Variants in TMEM117 observed in about 807,000 individuals in gnomAD.
TMEM117 encodes transmembrane protein 117.
TMEM117 carries 27 observed loss-of-function variants against 52.4 expected under a neutral mutation model. The ratio of observed to expected loss-of-function variants is 0.51; its 90% CI spans 0.38 to 0.71. The LOEUF is 0.71. TMEM117 is among the 30% of genes least tolerant of loss of function. TMEM117 has a pLI of 0.00. For missense variants in TMEM117, 556 were observed against 630.5 expected (o/e 0.88, Z 1.26); for synonymous variants, 215 against 206.3 (o/e 1.04, Z -0.36).
the TMEM117 span, among the ~76,000 whole-genome samples, chr12:44,396,848 CAAAAAAA>C: frequency 3.0e-5 from 2 of 66,428 alleles, no homozygotes; most frequent in Non-Finnish European, 6.8e-5. Context: ...AGTGAGACTC[CAAAAAAA>C]AAAAAAAAAG....
intron 2 of TMEM117, among the ~76,000 whole-genome samples, chr12:43,896,114 TCAATC>T (rs978912531): frequency 6.6e-6 from 1 of 152,176 alleles, no homozygotes; most frequent in African/African-American, 2.4e-5. Flanking sequence ...TTTGCATCCT[TCAATC>T]CAACCAAGTT....
chr12:44,282,903 G>T (rs780938996), intron 5 of TMEM117, among the ~76,000 whole-genome samples: 1 of 152,176 alleles, frequency 6.6e-6, no homozygotes, highest in African/African-American at 2.4e-5. Flanking sequence ...CAGGGTCCTC[G>T]TGCTGTGTGC....
At chr12:44,172,411 T>G (rs764159357) in intron 4 of TMEM117, among the ~76,000 whole-genome samples, 1 of 152,138 alleles carries the variant, frequency 6.6e-6, no homozygotes, top group African/African-American at 2.4e-5. Context: ...ACTCCCTGCC[T>G]CCATCTTCAT....
intron 6 of TMEM117, among the ~76,000 whole-genome samples, chr12:44,335,568 CA>C (rs1025658845): frequency 6.6e-6 from 1 of 151,962 alleles, no homozygotes; most frequent in Non-Finnish European, 1.5e-5. Context: ...ATCAGAAAAA[CA>C]TCCTGAATTT....
intron 5 of TMEM117, among the ~76,000 whole-genome samples, chr12:44,214,887 A>G (rs938228699): frequency 7.9e-5 from 12 of 152,206 alleles, no homozygotes; most frequent in African/African-American, 2.9e-4. Context: ...CTTCCTTTTT[A>G]TTCATACTTT....
intron 3 of TMEM117, among the ~76,000 whole-genome samples, chr12:44,142,395 CT>C (rs1346585471): frequency 6.6e-6 from 1 of 151,982 alleles, no homozygotes; most frequent in Non-Finnish European, 1.5e-5. Context: ...TTTAAGTTTG[CT>C]TTTTTTGTTA....
chr12:43,858,464 C>T (rs1240698843), intron 2 of TMEM117, among the ~76,000 whole-genome samples: 1 of 152,214 alleles, frequency 6.6e-6, no homozygotes, highest in African/African-American at 2.4e-5. Context: ...ATTTAGTCGC[C>T]CCCACAAGAA....
At chr12:44,119,289 C>T (rs1286871816) in intron 3 of TMEM117, among the ~76,000 whole-genome samples, 4 of 152,032 alleles carry the variant, frequency 2.6e-5, no homozygotes, top group Non-Finnish European at 5.9e-5. Flanking sequence ...ATCATTTTTT[C>T]ATGAGCTTGC....
intron 5 of TMEM117, among the ~76,000 whole-genome samples, chr12:44,289,534 T>C (rs1316841028): frequency 1.3e-5 from 2 of 149,872 alleles, no homozygotes; most frequent in African/African-American, 5.0e-5. Context: ...AAGAGATCTG[T>C]TTTCTTTTCT....
chr12:44,384,852 T>C (rs180802854), intron 7 of TMEM117, among the ~76,000 whole-genome samples: 94 of 152,318 alleles, frequency 6.2e-4, no homozygotes, highest in Admixed American at 4.3e-3. Context: ...CCCTACATTT[T>C]TGGCAAACAA....
In TMEM117 at chr12:43,992,682, A is replaced by G. The variant is rs558554222; in HGVS notation, c.410+48340A>G. Among the ~76,000 whole-genome samples, 6 of 152,318 alleles carry G rather than the reference A, an allele frequency of 3.9e-5. No individual in the cohort carries two copies. In the South Asian group the frequency reaches 1.2e-3, roughly 32 times the overall value. ...GCTCTCCATGCTCTCTCAGGTATGC[A>G]TGTGTCCAGGTCTGGCCCAGGCCCC... On this transcript the variant is annotated intron_variant, in intron 3 of 7. Coordinates refer to ENST00000266534, the MANE Select transcript of TMEM117 (RefSeq NM_032256.3).
chr12:44,143,678 C>T (rs537084108), intron 4 of TMEM117, 54 bp downstream of exon 4: 14 of 1,290,480 alleles, frequency 1.1e-5, no homozygotes, highest in African/African-American at 1.5e-5. Context: ...GACATGTTCA[C>T]AGTGTTGGAC....
At chr12:44,161,582 T>TA (rs1948899145) in intron 4 of TMEM117, among the ~76,000 whole-genome samples, 1 of 152,196 alleles carries the variant, frequency 6.6e-6, no homozygotes, top group Non-Finnish European at 1.5e-5. Flanking sequence ...AATGCATATG[T>TA]GTGTGTGACA....
chr12:44,152,896 CT>C (rs1948774157), intron 4 of TMEM117, among the ~76,000 whole-genome samples: 1 of 146,478 alleles, frequency 6.8e-6, no homozygotes, highest in Non-Finnish European at 1.5e-5. Context: ...CAACCTACCC[CT>C]GATTCGTTAA....
intron 3 of TMEM117, among the ~76,000 whole-genome samples, chr12:44,011,659 T>TATACATACATAA (rs1946291573): frequency 2.6e-5 from 4 of 151,570 alleles, no homozygotes; most frequent in African/African-American, 7.3e-5. Flanking sequence ...TATTCCTTAC[T>TATACATACATAA]ATACATACAT....
At chr12:44,205,952 A>T (rs1949559682) in intron 4 of TMEM117, among the ~76,000 whole-genome samples, 1 of 152,190 alleles carries the variant, frequency 6.6e-6, no homozygotes, top group African/African-American at 2.4e-5. Flanking sequence ...CCTAACCCAG[A>T]GAAGCTGAAG....
intron 5 of TMEM117, among the ~76,000 whole-genome samples, chr12:44,246,127 T>G (rs1322187202): frequency 6.6e-6 from 1 of 152,098 alleles, no homozygotes; most frequent in Non-Finnish European, 1.5e-5. Context: ...ATTACTTACG[T>G]ATATCTAATT....
intron 2 of TMEM117, among the ~76,000 whole-genome samples, chr12:43,866,090 A>G (rs572969370): frequency 6.6e-6 from 1 of 151,998 alleles, no homozygotes; most frequent in African/African-American, 2.4e-5. Context: ...GCAAGGAGAT[A>G]GAAAACCACC....
chr12:43,904,258 C>T (rs1944349190), intron 2 of TMEM117, among the ~76,000 whole-genome samples: 1 of 151,918 alleles, frequency 6.6e-6, no homozygotes, highest in African/African-American at 2.4e-5. Flanking sequence ...GCCTGTAATC[C>T]CAGAACTTTG....
Sources: gnomAD v4.1 joint callset for allele counts (sites outside exome capture counted in the v4.1 genomes callset) on GRCh38, gnomAD v4.1.1 for gene constraint, MANE v1.5 for transcripts, NCBI Gene and HGNC (gene_info 2026-07-23, HGNC 2026-07-21) for gene names.